Variants in FCHSD2 observed in about 807,000 individuals in gnomAD.
FCHSD2 encodes the protein FCH and double SH3 domains 2, also known as F-BAR and double SH3 domains protein 2.
A neutral mutation model predicts 108.1 loss-of-function variants in FCHSD2; 38 were observed. That is an observed-to-expected ratio of 0.35 (90% CI 0.27 to 0.46). The LOEUF is 0.46. Ranked by LOEUF, FCHSD2 falls within the 20% of genes least tolerant of loss-of-function variation. The pLI, the probability that FCHSD2 is intolerant of heterozygous loss-of-function variation, is 1.00. For synonymous variants in FCHSD2, 279 were observed against 314.7 expected, an observed-to-expected ratio of 0.89 and a Z score of 1.20; for missense variants, 751 against 897.8, an observed-to-expected ratio of 0.84 and a Z score of 2.09.
chr11:72,994,392 T>C (rs1212995336), intron 5 of FCHSD2, among the ~76,000 whole-genome samples: 1 of 152,054 alleles, frequency 6.6e-6, no homozygotes, highest in Non-Finnish European at 1.5e-5. Context: ...AAGGTAGTAG[T>C]AGTAGTAGCA....
At chr11:73,067,990 G>A (rs1216246022) in intron 3 of FCHSD2, among the ~76,000 whole-genome samples, 1 of 152,094 alleles carries the variant, frequency 6.6e-6, no homozygotes, top group African/African-American at 2.4e-5. Context: ...TGACAGACAC[G>A]AGAGAATAAG....
chr11:73,134,248 A>G (rs983594595), intron 2 of FCHSD2, among the ~76,000 whole-genome samples: 1 of 152,106 alleles, frequency 6.6e-6, no homozygotes, highest in African/African-American at 2.4e-5. Context: ...AGGTGGGAGG[A>G]TCACTTGAGC....
chr11:73,044,655 C>G (rs1485233906), intron 3 of FCHSD2, among the ~76,000 whole-genome samples: 4 of 152,148 alleles, frequency 2.6e-5, no homozygotes. Context: ...AGAGATTAAG[C>G]ATACATGTGC....
chr11:73,015,811 G>T lies in FCHSD2; in HGVS notation c.240C>A (p.Tyr80Ter). 1 of 1,598,720 alleles carries T rather than the reference G, an allele frequency of 6.3e-7. No individual in the cohort carries two copies. Among genetic ancestry groups the T allele is most frequent in the Non-Finnish European group, 8.5e-7 (1 of 1,169,680 alleles). ...ATAGGCAAAAACTACTAATTTACCTGTAATCATTCCGATCATCAGCTTTTA... is the reference window on the plus strand; with the variant it reads ...ATAGGCAAAAACTACTAATTTACCTTTAATCATTCCGATCATCAGCTTTTA... Reference protein sequence around the residue: ...PGVKADDRNDYRSMYPVWKSF... With the variant: ...PGVKADDRND Residue 80 changes from tyrosine (Y) to a stop codon, truncating the protein, a stop_gained and splice_region_variant, in exon 4 of 20, where the codon TAC (tyrosine) becomes TAA (stop). Coordinates refer to ENST00000409418, the MANE Select transcript of FCHSD2 (RefSeq NM_014824.3). LOFTEE classifies it high-confidence loss of function.
intron 2 of FCHSD2, among the ~76,000 whole-genome samples, chr11:73,105,418 C>T (rs1860320024): frequency 6.6e-6 from 1 of 152,170 alleles, no homozygotes; most frequent in Admixed American, 6.5e-5. Flanking sequence ...CAGAATCTAC[C>T]AGGCTCTTTA....
At chr11:72,981,458 G>GA (rs758729585) in intron 8 of FCHSD2, among the ~76,000 whole-genome samples, 7 of 151,358 alleles carry the variant, frequency 4.6e-5, no homozygotes, top group South Asian at 2.1e-4. Context: ...AGATCCAATA[G>GA]AAAAAAAATA....
chr11:73,083,566 A>G (rs970921916), intron 3 of FCHSD2, 129 bp downstream of exon 3: 1 of 639,448 alleles, frequency 1.6e-6, no homozygotes, highest in South Asian at 2.0e-5. Flanking sequence ...AGAAAAAAAA[A>G]AAAACAAGAA....
intron 12 of FCHSD2, among the ~76,000 whole-genome samples, chr11:72,882,416 G>C (rs1421193123): frequency 6.6e-6 from 1 of 152,042 alleles, no homozygotes; most frequent in East Asian, 1.9e-4. Flanking sequence ...GGATTATGGG[G>C]AAGGAGAAGA....
chr11:72,941,059 T>C (rs559907706), intron 8 of FCHSD2: 204 of 660,300 alleles, frequency 3.1e-4, no homozygotes, highest in Non-Finnish European at 4.9e-4. Context: ...TGGTGGTTCT[T>C]GCCGGGCAGC....
intron 9 of FCHSD2, among the ~76,000 whole-genome samples, chr11:72,905,088 C>T (rs150863314): frequency 2.6e-4 from 40 of 152,246 alleles, no homozygotes; most frequent in African/African-American, 9.4e-4. Flanking sequence ...TGTCCTAATT[C>T]CCAAAACCTG....
Position 72,878,387 on chromosome 11 carries a change from G to A in FCHSD2, c.1146+9083C>T, listed in dbSNP as rs549756497. ...AGTTATCCCTAGCTCTAACAACAAA[G>A]AAAAGATAAAAAAGAAAATGACACT... On this transcript the variant is annotated intron_variant, in intron 12 of 19. Transcript: ENST00000409418. Among the ~76,000 whole-genome samples, 9 of 152,224 alleles carry A rather than the reference G, an allele frequency of 5.9e-5. 1 individual carries two copies. Among genetic ancestry groups the A allele is most frequent in the Admixed American group, 5.9e-4 (9 of 15,282 alleles).
At chr11:73,014,604 G>A (rs1423693127) in intron 4 of FCHSD2, among the ~76,000 whole-genome samples, 1 of 152,038 alleles carries the variant, frequency 6.6e-6, no homozygotes, top group East Asian at 1.9e-4. Context: ...GAAATCATCT[G>A]ATGTCAATCA....
At position 73,014,900 on chromosome 11, in the gene FCHSD2, G is replaced by C. The variant is rs140568204; in HGVS notation, c.242+909C>G. On this transcript the variant is annotated intron_variant, in intron 4 of 19. Coordinates refer to ENST00000409418, the MANE Select transcript of FCHSD2 (RefSeq NM_014824.3). ...ACTCTGTCGCCCAGGCTGGAGTGCA[G>C]TGACATGATTTCGGCTCAATGCAAC... is the stretch of plus-strand genomic sequence containing the variant. Among the ~76,000 whole-genome samples the C allele has an allele frequency of 3.6e-3, 543 of 152,096 alleles. 1 individual carries two copies. Among genetic ancestry groups the C allele is most frequent in the African/African-American group, 0.012 (515 of 41,504 alleles).
At chr11:72,858,875 A>G (rs1861497298) in intron 13 of FCHSD2, among the ~76,000 whole-genome samples, 2 of 152,244 alleles carry the variant, frequency 1.3e-5, no homozygotes, top group African/African-American at 4.8e-5. Context: ...AAACAACTGA[A>G]AAACTGTTCA....
chr11:73,080,265 C>G (rs1859650325), intron 3 of FCHSD2, among the ~76,000 whole-genome samples: 1 of 143,688 alleles, frequency 7.0e-6, no homozygotes, highest in Non-Finnish European at 1.5e-5. Context: ...CCACTGCAAT[C>G]CAGTCTGGGT....
intron 3 of FCHSD2, among the ~76,000 whole-genome samples, chr11:73,037,312 A>G (rs1471764766): frequency 6.6e-6 from 1 of 152,196 alleles, no homozygotes; most frequent in Non-Finnish European, 1.5e-5. Flanking sequence ...CATGGTTTAC[A>G]CTAGGATTCT....
intron 9 of FCHSD2, among the ~76,000 whole-genome samples, chr11:72,906,748 A>G (rs1855638331): frequency 6.6e-6 from 1 of 152,000 alleles, no homozygotes; most frequent in African/African-American, 2.4e-5. Flanking sequence ...GTGTGGTGTT[A>G]TTTCTGAGGC....
intron 9 of FCHSD2, among the ~76,000 whole-genome samples, chr11:72,908,292 C>T (rs146161580): frequency 6.6e-6 from 1 of 152,294 alleles, no homozygotes; most frequent in African/African-American, 2.4e-5. Context: ...TTGATGGACA[C>T]TTAGGTTGCT....
At chr11:72,868,546 C>T (rs1854781297) in intron 12 of FCHSD2, among the ~76,000 whole-genome samples, 3 of 152,074 alleles carry the variant, frequency 2.0e-5, no homozygotes, top group Admixed American at 2.0e-4. Flanking sequence ...AAAAAATTAG[C>T]TAGGCATGGT....
Sources: gnomAD v4.1 joint callset for allele counts (sites outside exome capture counted in the v4.1 genomes callset) on GRCh38, gnomAD v4.1.1 for gene constraint, MANE v1.5 for transcripts, NCBI Gene and HGNC (gene_info 2026-07-23, HGNC 2026-07-21) for gene names.